Variants in KIF6 observed in about 807,000 individuals in gnomAD.
KIF6 encodes the protein kinesin-like protein KIF6.
In KIF6, 106 loss-of-function variants were observed where a neutral mutation model predicts 112.7. The observed-to-expected ratio is 0.94, with a 90% CI of 0.80 to 1.11. KIF6 has a LOEUF of 1.11. Among genes scored for constraint, KIF6 ranks in the 50% least tolerant of loss-of-function variants. The pLI is 0.00. For missense variants in KIF6, 929 were observed against 964.0 expected (o/e 0.96, Z 0.48); for synonymous variants, 339 against 339.9 (o/e 1.00, Z 0.03).
chr6:39,716,225 C>T (rs1789840037), intron 2 of KIF6, among the ~76,000 whole-genome samples: 1 of 152,120 alleles, frequency 6.6e-6, no homozygotes, highest in Admixed American at 6.5e-5. Context: ...TCTATTCATT[C>T]CACAAACACA....
intron 3 of KIF6, among the ~76,000 whole-genome samples, chr6:39,687,786 T>G (rs566987895): frequency 6.6e-6 from 1 of 152,358 alleles, no homozygotes; most frequent in East Asian, 1.9e-4. Flanking sequence ...ATGCAACCTT[T>G]GCAGGTCATT....
In KIF6 at chr6:39,385,623, T is replaced by TAG. The variant is rs1184235543; in HGVS notation, c.1858_1859dup (p.Gly621Ter). Reference sequence around the variant, plus strand: ...CCTGCAGATTCTCTTTGTACCTACCTAGGGCTACTTGCTGTATATGCCGCT... The same window carrying TAG: ...CCTGCAGATTCTCTTTGTACCTACCTAGAGGGCTACTTGCTGTATATGCCGCT... On this transcript the variant is annotated frameshift_variant and splice_region_variant, in exon 16 of 23. Transcript: ENST00000287152. LOFTEE classifies it high-confidence loss of function. The TAG allele has an allele frequency of 8.1e-6, 13 of 1,612,850 alleles. No homozygotes were observed. Among genetic ancestry groups the TAG allele is most frequent in the Non-Finnish European group, 9.3e-6 (11 of 1,178,950 alleles).
chr6:39,404,413 T>C (rs541741159), intron 15 of KIF6, among the ~76,000 whole-genome samples: 1 of 54,888 alleles, frequency 1.8e-5, no homozygotes, highest in African/African-American at 5.5e-5. Flanking sequence ...TGTTTTAATA[T>C]TGCTTGTTGA....
chr6:39,345,781 T>C lies in KIF6; in HGVS notation c.2240A>G (p.Asn747Ser), dbSNP rs1321917271. The change falls in exon 21 of 23, where the codon AAT (asparagine) becomes AGT (serine). Residue 747 changes from asparagine (N) to serine (S), a missense_variant. Asn to Ser is a conservative substitution (Grantham distance 46). Transcript: ENST00000287152. ...AGGCGAGGGCAGGATTTTCCTGGCATTCACATCACTGCAAAACACAAACAA... is the reference window on the plus strand; with the variant it reads ...AGGCGAGGGCAGGATTTTCCTGGCACTCACATCACTGCAAAACACAAACAA... ...GTGRFDVCDV[N>S]ARKILPSPCP... 1 of 1,613,646 alleles carries C rather than the reference T, an allele frequency of 6.2e-7. No homozygotes were observed. The highest frequency in any genetic ancestry group is 1.7e-5 in the Admixed American group (1 of 59,980).
At chr6:39,553,158 TAGTGAA>T (rs1357149711) in intron 10 of KIF6, among the ~76,000 whole-genome samples, 1 of 152,176 alleles carries the variant, frequency 6.6e-6, no homozygotes, top group African/African-American at 2.4e-5. Flanking sequence ...CCTAACCAGT[TAGTGAA>T]AGACATGGAC....
intron 2 of KIF6, among the ~76,000 whole-genome samples, chr6:39,717,375 A>C (rs1789917183): frequency 6.6e-6 from 1 of 152,116 alleles, no homozygotes; most frequent in Non-Finnish European, 1.5e-5. Context: ...TCTCCCCATT[A>C]GGGATTTCAC....
chr6:39,568,644 G>A (rs563090322), intron 10 of KIF6, among the ~76,000 whole-genome samples: 28 of 151,666 alleles, frequency 1.8e-4, no homozygotes, highest in African/African-American at 5.8e-4. Flanking sequence ...TCTGCCTCCC[G>A]GGTTTCAGTA....
chr6:39,350,319 C>T (rs1256889768), intron 19 of KIF6, among the ~76,000 whole-genome samples: 1 of 152,038 alleles, frequency 6.6e-6, no homozygotes, highest in Non-Finnish European at 1.5e-5. Flanking sequence ...ACATGTGTCC[C>T]TAAAAGGCAG....
chr6:39,505,353 G>C (rs1214147721), intron 13 of KIF6, among the ~76,000 whole-genome samples: 1 of 152,074 alleles, frequency 6.6e-6, no homozygotes, highest in African/African-American at 2.4e-5. Flanking sequence ...ATCAACTCAA[G>C]ATGGATTAAA....
chr6:39,498,306 T>G (rs770214802), intron 13 of KIF6, among the ~76,000 whole-genome samples: 5 of 152,352 alleles, frequency 3.3e-5, no homozygotes, highest in Non-Finnish European at 7.3e-5. Flanking sequence ...CAGCTGTTGA[T>G]AATTTTAAAG....
chr6:39,465,512 TC>T (rs1773732010), intron 13 of KIF6, among the ~76,000 whole-genome samples: 1 of 152,182 alleles, frequency 6.6e-6, no homozygotes, highest in Non-Finnish European at 1.5e-5. Flanking sequence ...AACACCACTG[TC>T]TTTGTTCAAA....
In KIF6 at chr6:39,684,223, C is replaced by T. The variant is rs143540941; in HGVS notation, c.251+30469G>A. On this transcript the variant is annotated intron_variant, in intron 3 of 22. Coordinates refer to ENST00000287152, the MANE Select transcript of KIF6 (RefSeq NM_145027.6). ...GATGTTATGAAAATTAAGAGTAGGC[C>T]GGGTGCAGGGGCTCACGCCTGTAAT... is the stretch of plus-strand genomic sequence containing the variant. Among the ~76,000 whole-genome samples, 7 of 152,238 alleles carry T rather than the reference C, an allele frequency of 4.6e-5. No individual in the cohort carries two copies. The East Asian group carries it at 7.7e-4, about 17-fold the overall frequency.
chr6:39,406,171 C>G (rs1451056221), intron 15 of KIF6, among the ~76,000 whole-genome samples: 1 of 152,102 alleles, frequency 6.6e-6, no homozygotes, highest in Non-Finnish European at 1.5e-5. Context: ...CAGGGGTGTG[C>G]TACCATATTC....
At chr6:39,703,287 G>A (rs1270201500) in intron 3 of KIF6, among the ~76,000 whole-genome samples, 2 of 150,270 alleles carry the variant, frequency 1.3e-5, no homozygotes, top group Non-Finnish European at 1.5e-5. Context: ...ACACATAAAT[G>A]CTGGGTGTGA....
intron 3 of KIF6, among the ~76,000 whole-genome samples, chr6:39,704,999 G>C (rs1343395020): frequency 6.6e-6 from 1 of 152,188 alleles, no homozygotes; most frequent in Non-Finnish European, 1.5e-5. Flanking sequence ...ATTTATTTTA[G>C]AAATAAGTGG....
chr6:39,716,607 G>A (rs2113885357), intron 2 of KIF6, among the ~76,000 whole-genome samples: 1 of 152,268 alleles, frequency 6.6e-6, no homozygotes, highest in East Asian at 1.9e-4. Flanking sequence ...AACAGGTTCA[G>A]TCTAATGATT....
intron 15 of KIF6, among the ~76,000 whole-genome samples, chr6:39,392,769 CAGAGA>C (rs1418929012): frequency 6.6e-6 from 1 of 152,124 alleles, no homozygotes; most frequent in Non-Finnish European, 1.5e-5. Flanking sequence ...TTAAAAGTCA[CAGAGA>C]AGAGACTGAG....
intron 13 of KIF6, among the ~76,000 whole-genome samples, chr6:39,513,668 C>T (rs146865323): frequency 6.6e-6 from 1 of 152,184 alleles, no homozygotes; most frequent in Non-Finnish European, 1.5e-5. Flanking sequence ...TTGTGTAGTT[C>T]TTAGTTGCTT....
At chr6:39,582,215 T>C (rs1781335360) in intron 9 of KIF6, among the ~76,000 whole-genome samples, 1 of 152,176 alleles carries the variant, frequency 6.6e-6, no homozygotes, top group Non-Finnish European at 1.5e-5. Flanking sequence ...ATCTCAAAAC[T>C]AAGCCAAGTT....
Sources: allele counts gnomAD v4.1 joint callset (sites outside exome capture counted in the v4.1 genomes callset), GRCh38; gene constraint gnomAD v4.1.1; transcripts MANE v1.5; gene names NCBI Gene and HGNC (gene_info 2026-07-23, HGNC 2026-07-21).